Variants in TACR3 observed in about 807,000 individuals in gnomAD.
TACR3 encodes the protein neuromedin-K receptor.
In TACR3, 34 loss-of-function variants were observed where a neutral mutation model predicts 35.0. That is an observed-to-expected ratio of 0.97 (90% CI 0.74 to 1.30). The LOEUF (loss-of-function observed/expected upper bound fraction) is 1.30. TACR3 is among the 50% of genes most tolerant of loss of function. The pLI is 0.00. For synonymous variants in TACR3, 233 were observed against 221.1 expected, an observed-to-expected ratio of 1.05 and a Z score of -0.48; for missense variants, 558 against 591.7, an observed-to-expected ratio of 0.94 and a Z score of 0.59.
intron 1 of TACR3, among the ~76,000 whole-genome samples, chr4:103,673,860 C>A (rs1046187184): frequency 6.6e-6 from 1 of 152,158 alleles, no homozygotes; most frequent in Non-Finnish European, 1.5e-5. Context: ...AGAGATAACA[C>A]AGAACACTAT....
At chr4:103,594,919 C>CTCTT (rs1553966815) in intron 3 of TACR3, among the ~76,000 whole-genome samples, 5 of 151,646 alleles carry the variant, frequency 3.3e-5, no homozygotes, top group Admixed American at 2.0e-4. Flanking sequence ...CTATATAATA[C>CTCTT]TGTTACCTTG....
intron 1 of TACR3, among the ~76,000 whole-genome samples, chr4:103,710,687 AT>A (rs1240547808): frequency 6.6e-6 from 1 of 152,204 alleles, no homozygotes. Context: ...CCTTCAAAAA[AT>A]CAATGAATCC....
chr4:103,632,386 G>T (rs1725086725), intron 3 of TACR3, among the ~76,000 whole-genome samples: 1 of 152,088 alleles, frequency 6.6e-6, no homozygotes, highest in Admixed American at 6.6e-5. Context: ...CCTTTGCAGG[G>T]ACATGGTTGA....
intron 3 of TACR3, among the ~76,000 whole-genome samples, chr4:103,613,413 A>C (rs112548649): frequency 0.041 from 6,176 of 152,176 alleles, 441 homozygotes; most frequent in African/African-American, 0.14. Flanking sequence ...TCTGCCTTCC[A>C]GGTTCAAGCG....
intron 1 of TACR3, among the ~76,000 whole-genome samples, chr4:103,661,014 A>T (rs1027245212): frequency 6.6e-6 from 1 of 152,092 alleles, no homozygotes; most frequent in African/African-American, 2.4e-5. Flanking sequence ...GGAATTGTTC[A>T]TAATGATCCA....
At chr4:103,591,188 ACTT>A (rs1417478478) in intron 4 of TACR3, 1 of 431,642 alleles carries the variant, frequency 2.3e-6, no homozygotes, top group African/African-American at 2.0e-5. Context: ...TCATGAGGGC[ACTT>A]CTTTTTCTTT....
chr4:103,600,445 G>A (rs973113691), intron 3 of TACR3, among the ~76,000 whole-genome samples: 4 of 152,034 alleles, frequency 2.6e-5, no homozygotes, highest in Non-Finnish European at 5.9e-5. Context: ...AGGGTTTTTT[G>A]TGTCTCTATT....
intron 1 of TACR3, among the ~76,000 whole-genome samples, chr4:103,670,900 C>T (rs1002331905): frequency 6.6e-5 from 10 of 151,948 alleles, no homozygotes; most frequent in African/African-American, 2.4e-4. Flanking sequence ...CCAGATCTTA[C>T]AGAAAAGGCT....
Position 103,636,112 on chromosome 4 carries a change from C to A in TACR3, c.888+20082G>T, listed in dbSNP as rs182066093. On this transcript the variant is annotated intron_variant, in intron 3 of 4. Coordinates refer to ENST00000304883, the MANE Select transcript of TACR3 (RefSeq NM_001059.3). The stretch of plus-strand genomic sequence containing the variant: ...TTAACAATGTATTTAGAGTTGCTTT[C>A]ATTGCAATAAAACCATTAATTACTC... Among the ~76,000 whole-genome samples the A allele has an allele frequency of 1.5e-3, 226 of 152,012 alleles. 1 individual carries two copies. Among genetic ancestry groups the A allele is most frequent in the Admixed American group, 9.9e-3 (151 of 15,212 alleles).
At chr4:103,663,674 A>G (rs1442363805) in intron 1 of TACR3, among the ~76,000 whole-genome samples, 1 of 152,184 alleles carries the variant, frequency 6.6e-6, no homozygotes, top group Non-Finnish European at 1.5e-5. Flanking sequence ...AGAAAGGGAC[A>G]CTTGGTTGGC....
chr4:103,664,596 A>G (rs1029182491), intron 1 of TACR3, among the ~76,000 whole-genome samples: 3 of 152,124 alleles, frequency 2.0e-5, no homozygotes, highest in East Asian at 1.9e-4. Context: ...TAAGTCCCAA[A>G]CACAAAATAC....
At chr4:103,677,508 C>T (rs1417920624) in intron 1 of TACR3, among the ~76,000 whole-genome samples, 3 of 152,048 alleles carry the variant, frequency 2.0e-5, no homozygotes, top group Admixed American at 6.6e-5. Context: ...ACATATACCA[C>T]GGAATACTAT....
Position 103,586,170 on chromosome 4 carries a change from A to G in TACR3, c.*3512T>C, listed in dbSNP as rs988443451. The G allele has an allele frequency of 3.3e-5, 5 of 151,984 alleles. No homozygotes were observed. The highest frequency in any genetic ancestry group is 2.4e-5 in the African/African-American group (1 of 41,390). 9.4% of individuals were successfully genotyped at this position (151,984 alleles called of 1,614,324 possible). On this transcript the variant is annotated 3_prime_UTR_variant, in exon 5 of 5. Transcript: ENST00000304883. ...ACAACTTGAAAATACTTTATTCACT[A>G]CAAACTTTATATACATTTACTTCTT...
At chr4:103,602,554 A>G (rs1352049047) in intron 3 of TACR3, among the ~76,000 whole-genome samples, 2 of 152,016 alleles carry the variant, frequency 1.3e-5, no homozygotes, top group African/African-American at 4.8e-5. Context: ...GGTGACGTAC[A>G]GATGGGTTTT....
chr4:103,623,392 T>A (rs934733578), intron 3 of TACR3, among the ~76,000 whole-genome samples: 5 of 152,138 alleles, frequency 3.3e-5, no homozygotes, highest in African/African-American at 9.7e-5. Context: ...TATTTTTTTT[T>A]AATTAACAAC....
At chr4:103,700,787 C>A (rs1248900761) in intron 1 of TACR3, among the ~76,000 whole-genome samples, 1 of 152,100 alleles carries the variant, frequency 6.6e-6, no homozygotes, top group Non-Finnish European at 1.5e-5. Context: ...TAAACAGAAC[C>A]AACGACAAAA....
intron 1 of TACR3, among the ~76,000 whole-genome samples, chr4:103,680,115 G>A (rs748275694): frequency 1.3e-5 from 2 of 151,734 alleles, no homozygotes; most frequent in African/African-American, 2.4e-5. Flanking sequence ...ACAGATAAAA[G>A]TAGAGTGCTT....
chr4:103,695,711 C>CTCTGTGTGTG lies in TACR3; in HGVS notation c.548+23416_548+23417insCACACACAGA, dbSNP rs142176586. 7.1e-3 allele frequency among the ~76,000 whole-genome samples: 1,038 copies of CTCTGTGTGTG among 146,182 alleles called. 13 individuals are homozygous for CTCTGTGTGTG. Among genetic ancestry groups the CTCTGTGTGTG allele is most frequent in the African/African-American group, 0.025 (996 of 40,198 alleles). ...ACAGAATATAGATATGTCTCTCTCT[C>CTCTGTGTGTG]TGTGTGTGTGTGTGTGTGTGTGTGT... On this transcript the variant is annotated intron_variant, in intron 1 of 4. Transcript: ENST00000304883.
chr4:103,637,881 G>C (rs1212015982), intron 3 of TACR3, among the ~76,000 whole-genome samples: 2 of 152,082 alleles, frequency 1.3e-5, no homozygotes, highest in Non-Finnish European at 2.9e-5. Context: ...CAACTTACCA[G>C]GGATGTGAAG....
Sources: allele counts gnomAD v4.1 joint callset (sites outside exome capture counted in the v4.1 genomes callset), GRCh38; gene constraint gnomAD v4.1.1; transcripts MANE v1.5; gene names NCBI Gene and HGNC (gene_info 2026-07-23, HGNC 2026-07-21).